SRRM4: variants seen among roughly 807,000 people sequenced by gnomAD.
The protein encoded by SRRM4 is serine/arginine repetitive matrix protein 4.
In SRRM4, 33 loss-of-function variants were observed where a neutral mutation model predicts 68.9. That is an observed-to-expected ratio of 0.48 (90% CI 0.36 to 0.64). The LOEUF (loss-of-function observed/expected upper bound fraction) is 0.64. Among genes scored for constraint, SRRM4 ranks in the 30% least tolerant of loss-of-function variants. The probability of loss-of-function intolerance (pLI) is 0.00; values close to 1 mark genes in which losing one functional copy is unlikely to be tolerated. For synonymous variants in SRRM4, 318 were observed against 318.8 expected, an observed-to-expected ratio of 1.00 and a Z score of 0.03; for missense variants, 817 against 827.1, an observed-to-expected ratio of 0.99 and a Z score of 0.15.
At chr12:119,076,508 C>T (rs1953917323) in intron 1 of SRRM4, among the ~76,000 whole-genome samples, 1 of 152,206 alleles carries the variant, frequency 6.6e-6, no homozygotes, top group African/African-American at 2.4e-5. Flanking sequence ...TTACTCTCCT[C>T]TCTCTGCTTC....
intron 3 of SRRM4, among the ~76,000 whole-genome samples, chr12:119,114,660 CTTTTTTT>C (rs68020424): frequency 9.9e-6 from 1 of 101,388 alleles, no homozygotes; most frequent in Non-Finnish European, 2.0e-5. Flanking sequence ...GAAGCATAGT[CTTTTTTT>C]TTTTTTTTTT....
At chr12:119,090,184 C>T (rs1954005268) in intron 1 of SRRM4, among the ~76,000 whole-genome samples, 2 of 152,102 alleles carry the variant, frequency 1.3e-5, no homozygotes. Context: ...GTCACTTAAT[C>T]TGTCTTCTGC....
chr12:119,140,897 T>C (rs1006882532), intron 8 of SRRM4, among the ~76,000 whole-genome samples: 1 of 152,236 alleles, frequency 6.6e-6, no homozygotes, highest in Non-Finnish European at 1.5e-5. Context: ...TAAGACCTTC[T>C]GTTCAATAGC....
intron 1 of SRRM4, among the ~76,000 whole-genome samples, chr12:118,986,147 C>T (rs1345352244): frequency 6.6e-6 from 1 of 152,074 alleles, no homozygotes; most frequent in Non-Finnish European, 1.5e-5. Flanking sequence ...TTCAAGACTC[C>T]CCTCGGTGCC....
intron 2 of SRRM4, among the ~76,000 whole-genome samples, chr12:119,110,229 A>C (rs1403658241): frequency 6.6e-6 from 1 of 152,180 alleles, no homozygotes; most frequent in African/African-American, 2.4e-5. Flanking sequence ...GGTGTCAGTC[A>C]GCCCTTACTG....
At position 119,162,474 on chromosome 12, in the gene SRRM4, C is replaced by G. The variant is rs190264696; in HGVS notation, c.*5676C>G. 1 of 152,312 alleles carries G rather than the reference C, an allele frequency of 6.6e-6. No individual in the cohort carries two copies. The highest frequency in any genetic ancestry group is 2.4e-5 in the African/African-American group (1 of 41,558). 9.4% of individuals were successfully genotyped at this position (152,312 alleles called of 1,614,324 possible). On this transcript the variant is annotated 3_prime_UTR_variant, in exon 13 of 13. Coordinates refer to ENST00000267260, the MANE Select transcript of SRRM4 (RefSeq NM_194286.4). ...TATTTTTGTACAATCATTCAAATAACCCAGTGACATAGGTCATATTGCCAC... is the reference window on the plus strand; with the variant it reads ...TATTTTTGTACAATCATTCAAATAAGCCAGTGACATAGGTCATATTGCCAC...
At chr12:119,076,641 T>C (rs1363780749) in intron 1 of SRRM4, among the ~76,000 whole-genome samples, 1 of 152,206 alleles carries the variant, frequency 6.6e-6, no homozygotes, top group Admixed American at 6.5e-5. Flanking sequence ...TCACACTGAA[T>C]AGAAAATTTA....
intron 2 of SRRM4, among the ~76,000 whole-genome samples, chr12:119,109,928 T>C (rs1253202611): frequency 1.3e-5 from 2 of 151,934 alleles, no homozygotes; most frequent in Non-Finnish European, 2.9e-5. Flanking sequence ...TTAGCTTTTC[T>C]GCTCTGGTTT....
At chr12:119,024,954 G>A (rs536450036) in intron 1 of SRRM4, among the ~76,000 whole-genome samples, 1 of 152,160 alleles carries the variant, frequency 6.6e-6, no homozygotes, top group East Asian at 1.9e-4. Context: ...TGGACAAATG[G>A]GGAGTGAGAG....
intron 1 of SRRM4, among the ~76,000 whole-genome samples, chr12:119,043,175 G>T (rs1299286526): frequency 1.3e-5 from 2 of 152,226 alleles, no homozygotes; most frequent in African/African-American, 4.8e-5. Context: ...TAAAGCAAAT[G>T]TGGTACATAT....
chr12:119,100,535 C>CT (rs1954072414), intron 1 of SRRM4, among the ~76,000 whole-genome samples: 1 of 151,930 alleles, frequency 6.6e-6, no homozygotes, highest in South Asian at 2.1e-4. Flanking sequence ...TTTTTACTTG[C>CT]TTATGTATCT....
At chr12:119,004,045 T>C (rs933560419) in intron 1 of SRRM4, among the ~76,000 whole-genome samples, 3 of 152,056 alleles carry the variant, frequency 2.0e-5, no homozygotes, top group African/African-American at 7.2e-5. Context: ...TGGATGTTTG[T>C]GGTTTTTCTC....
At chr12:119,110,812 C>T (rs1277326929) in intron 2 of SRRM4, among the ~76,000 whole-genome samples, 1 of 152,196 alleles carries the variant, frequency 6.6e-6, no homozygotes, top group Admixed American at 6.5e-5. Context: ...GGCTCATGCT[C>T]CGTGGGCTGC....
In SRRM4 at chr12:119,156,786, C is replaced by T. The variant is rs1442829976; in HGVS notation, c.1824C>T (p.Ser608=). ...RSYSSADSYS[S]TRR Reference sequence around the variant, plus strand: ...ACAGCTCAGCAGACAGCTACTCCAGCACGAGGCGCTAAGTGCCCCTGAGCC... The same window carrying T: ...ACAGCTCAGCAGACAGCTACTCCAGTACGAGGCGCTAAGTGCCCCTGAGCC... The change falls in exon 13 of 13, where the codon AGC becomes AGT. Residue 608 remains serine (S), a synonymous_variant. Transcript: ENST00000267260. 7.2e-6 allele frequency: 11 copies of T among 1,533,600 alleles called. No individual in the cohort carries two copies. The Admixed American group carries it at 2.2e-4, about 30-fold the overall frequency. The allele number at this position is 1,533,600 out of a possible 1,614,324, so 95.0% of individuals were successfully genotyped here.
chr12:119,027,612 A>T (rs1953557631), intron 1 of SRRM4, among the ~76,000 whole-genome samples: 1 of 152,222 alleles, frequency 6.6e-6, no homozygotes, highest in South Asian at 2.1e-4. Context: ...GTTATAACTG[A>T]GGTGAGATGA....
intron 1 of SRRM4, among the ~76,000 whole-genome samples, chr12:119,081,622 C>T (rs1357095452): frequency 6.6e-6 from 1 of 152,176 alleles, no homozygotes; most frequent in East Asian, 1.9e-4. Flanking sequence ...CATGATGTGG[C>T]TTAATTTGAG....
chr12:119,032,779 C>A lies in SRRM4; in HGVS notation c.131+50766C>A, dbSNP rs571528350. On this transcript the variant is annotated intron_variant, in intron 1 of 12. Transcript: ENST00000267260. ...AGTGGCCAAGGCCCAAGACTTTTAA[C>A]AGAGTTAACCATGTAACAATCCTTC... 6.0e-4 allele frequency among the ~76,000 whole-genome samples: 92 copies of A among 152,284 alleles called. 1 individual carries two copies. Among genetic ancestry groups the A allele is most frequent in the Middle Eastern group, 3.4e-3 (1 of 294 alleles).
In SRRM4 at chr12:119,114,271, C is replaced by T; in HGVS notation, c.279-7C>T. ...TTATCTAATGCTCCTCTCTTTGCTCCTCACAGTGCCTCTCATGACAAAGAC... is the reference window on the plus strand; with the variant it reads ...TTATCTAATGCTCCTCTCTTTGCTCTTCACAGTGCCTCTCATGACAAAGAC... On this transcript the variant is annotated splice_region_variant and splice_polypyrimidine_tract_variant and intron_variant, in intron 2 of 12. Coordinates refer to ENST00000267260, the MANE Select transcript of SRRM4 (RefSeq NM_194286.4). 1 of 1,611,154 alleles carries T rather than the reference C, an allele frequency of 6.2e-7. No individual in the cohort carries two copies.
intron 1 of SRRM4, among the ~76,000 whole-genome samples, chr12:119,045,979 A>T (rs1340388127): frequency 6.6e-6 from 1 of 152,124 alleles, no homozygotes; most frequent in Non-Finnish European, 1.5e-5. Flanking sequence ...CAGAGGTTGC[A>T]GTGAGCTGAG....
Sources: gnomAD v4.1 joint callset for allele counts (sites outside exome capture counted in the v4.1 genomes callset) on GRCh38, gnomAD v4.1.1 for gene constraint, MANE v1.5 for transcripts, NCBI Gene and HGNC (gene_info 2026-07-23, HGNC 2026-07-21) for gene names.